The following COL24A1 variants were observed in gnomAD, a reference collection of about 807,000 sequenced individuals.
The protein encoded by COL24A1 is collagen alpha-1(XXIV) chain.
Under a neutral mutation model 253.9 loss-of-function variants are expected in COL24A1, and 224 were observed. The ratio of observed to expected loss-of-function variants is 0.88; its 90% confidence interval spans 0.79 to 0.99. The LOEUF is 0.99. COL24A1 is among the 50% of genes least tolerant of loss of function. The probability of loss-of-function intolerance (pLI) is 0.00; values close to 1 mark genes in which losing one functional copy is unlikely to be tolerated. For missense variants in COL24A1, 2,131 were observed against 2,068.5 expected (o/e 1.03, Z -0.59); for synonymous variants, 685 against 673.7 (o/e 1.02, Z -0.26).
chr1:85,849,473 CT>C, intron 37 of COL24A1, 67 bp from the exon 38 acceptor site: 6 of 1,149,320 alleles, frequency 5.2e-6, no homozygotes, highest in African/African-American at 1.5e-5. Context: ...TATTTGAATA[CT>C]TCTATCAGAT....
intron 3 of COL24A1, 59 bp from the exon 4 acceptor site, chr1:86,115,437 A>T (rs187767500): frequency 1.3e-6 from 2 of 1,497,174 alleles, no homozygotes; most frequent in African/African-American, 2.8e-5. Context: ...TTTTCTTACG[A>T]GTCTGAATAA....
chr1:85,926,844 A>C (rs559567665), intron 24 of COL24A1, among the ~76,000 whole-genome samples: 2 of 152,046 alleles, frequency 1.3e-5, no homozygotes, highest in Admixed American at 6.5e-5. Flanking sequence ...TAATAAAAAG[A>C]GTCAAAAAGG....
intron 7 of COL24A1, among the ~76,000 whole-genome samples, chr1:86,078,975 C>G (rs567469418): frequency 1.6e-4 from 25 of 152,058 alleles, no homozygotes; most frequent in African/African-American, 5.5e-4. Context: ...TATGTGGAAC[C>G]ACAAAAACCC....
At chr1:85,783,265 C>CTTT (rs11369327) in intron 51 of COL24A1, among the ~76,000 whole-genome samples, 3 of 135,176 alleles carry the variant, frequency 2.2e-5, no homozygotes, top group African/African-American at 8.1e-5. Context: ...TCTGATGATT[C>CTTT]TTTTTTTTTT....
chr1:85,830,353 G>T (rs1675050049), intron 43 of COL24A1, among the ~76,000 whole-genome samples: 1 of 152,146 alleles, frequency 6.6e-6, no homozygotes, highest in African/African-American at 2.4e-5. Context: ...ATTTAAGTCT[G>T]CAGGGTTACT....
chr1:85,979,697 C>G (rs1011575404), intron 20 of COL24A1, among the ~76,000 whole-genome samples: 10 of 81,846 alleles, frequency 1.2e-4, no homozygotes, highest in African/African-American at 5.8e-4. Flanking sequence ...CATTTAAAAA[C>G]TGCCAAAAAA....
At chr1:85,905,899 A>T (rs1488079102) in intron 28 of COL24A1, among the ~76,000 whole-genome samples, 2 of 152,068 alleles carry the variant, frequency 1.3e-5, no homozygotes, top group Non-Finnish European at 2.9e-5. Context: ...CATCTGTCAC[A>T]AATTGGTTGA....
chr1:85,964,744 T>C (rs1173820164), intron 23 of COL24A1, among the ~76,000 whole-genome samples: 1 of 152,128 alleles, frequency 6.6e-6, no homozygotes, highest in Non-Finnish European at 1.5e-5. Flanking sequence ...CTTGTAAGCA[T>C]GTATAATGCA....
rs1648184700 is a variant in COL24A1 at position 86,125,825 on chromosome 1, T to C, written c.511A>G (p.Arg171Gly). Reference protein sequence around the residue: ...EQWHSFAITIRNQSVSMFVEC... With the variant: ...EQWHSFAITIGNQSVSMFVEC... ...ACAAACATTGAGACACTTTGGTTTC[T>C]AATAGTAATGGCAAATGAGTGCCAT... The change falls in exon 3 of 60, where the codon AGA becomes GGA. Residue 171 changes from arginine (R) to glycine (G), a missense_variant. Physicochemically the swap from Arg to Gly is moderately radical, Grantham distance 125 (BLOSUM62 -2). Transcript: ENST00000370571. The C allele has an allele frequency of 1.2e-6, 2 of 1,613,258 alleles. No individual in the cohort carries two copies. Among genetic ancestry groups the C allele is most frequent in the East Asian group, 2.2e-5 (1 of 44,848 alleles).
At chr1:86,069,048 G>A (rs925646962) in intron 7 of COL24A1, among the ~76,000 whole-genome samples, 11 of 152,258 alleles carry the variant, frequency 7.2e-5, no homozygotes, top group African/African-American at 2.4e-4. Context: ...CATTCCAGCT[G>A]TGGTGGTCAC....
intron 7 of COL24A1, among the ~76,000 whole-genome samples, chr1:86,085,229 T>C (rs1702977279): frequency 6.6e-6 from 1 of 152,194 alleles, no homozygotes; most frequent in Admixed American, 6.5e-5. Flanking sequence ...TTTGGTTGTT[T>C]ATTCCTGTCC....
chr1:85,835,131 A>T (rs1675851525), intron 43 of COL24A1, among the ~76,000 whole-genome samples: 1 of 151,938 alleles, frequency 6.6e-6, no homozygotes, highest in African/African-American at 2.4e-5. Context: ...ATATATATAT[A>T]TATTTTTTAG....
Position 85,955,223 on chromosome 1 carries a change from C to T in COL24A1, c.2562+6026G>A, listed in dbSNP as rs74942985. Among the ~76,000 whole-genome samples the T allele has an allele frequency of 5.8e-3, 877 of 152,312 alleles. 7 individuals are homozygous for T. The highest frequency in any genetic ancestry group is 0.02 in the African/African-American group (837 of 41,564). On this transcript the variant is annotated intron_variant, in intron 24 of 59. Coordinates refer to ENST00000370571, the MANE Select transcript of COL24A1 (RefSeq NM_152890.7). ...GGTGTAGTTGGGAGAAAAGTCCAGC[C>T]ACTGGGTGGCCTGACTCCAGGGGAA... is the stretch of plus-strand genomic sequence containing the variant.
intron 12 of COL24A1, among the ~76,000 whole-genome samples, chr1:86,035,366 A>G (rs549829033): frequency 1.3e-5 from 2 of 152,308 alleles, no homozygotes; most frequent in South Asian, 4.1e-4. Context: ...TAATGGAAAA[A>G]GTAGAGGAAA....
In COL24A1 at chr1:86,028,031, T is replaced by C. The variant is rs147138488; in HGVS notation, c.2049+3847A>G. ...TGATTTTGGATTTTCATGGAGCCTG[T>C]AGCCCCTTTGTTTTGGCCAATATCT... On this transcript the variant is annotated intron_variant, in intron 14 of 59. Coordinates refer to ENST00000370571, the MANE Select transcript of COL24A1 (RefSeq NM_152890.7). Among the ~76,000 whole-genome samples, 5 of 152,316 alleles carry C rather than the reference T, an allele frequency of 3.3e-5. No individual in the cohort carries two copies. In the East Asian group the frequency reaches 7.7e-4, roughly 24 times the overall value.
intron 53 of COL24A1, among the ~76,000 whole-genome samples, chr1:85,773,214 G>A (rs902112454): frequency 2.0e-5 from 3 of 152,144 alleles, no homozygotes; most frequent in Non-Finnish European, 4.4e-5. Flanking sequence ...CCTCCGTTCT[G>A]TTCCATTGGT....
chr1:85,860,729 A>C (rs943067269), intron 37 of COL24A1, among the ~76,000 whole-genome samples: 1 of 152,226 alleles, frequency 6.6e-6, no homozygotes, highest in Non-Finnish European at 1.5e-5. Context: ...CGACAGAGCA[A>C]GACTCTGTCT....
At chr1:86,013,691 C>T (rs1696745543) in intron 19 of COL24A1, among the ~76,000 whole-genome samples, 1 of 152,178 alleles carries the variant, frequency 6.6e-6, no homozygotes, top group Middle Eastern at 3.4e-3. Context: ...CAAAAATTAG[C>T]CAGGTGTGGT....
intron 47 of COL24A1, among the ~76,000 whole-genome samples, chr1:85,806,716 T>C (rs552286251): frequency 2.6e-5 from 4 of 152,366 alleles, no homozygotes; most frequent in Non-Finnish European, 5.9e-5. Context: ...ACTGCTGATA[T>C]TGACTCATGC....
Sources: allele counts gnomAD v4.1 joint callset (sites outside exome capture counted in the v4.1 genomes callset), GRCh38; gene constraint gnomAD v4.1.1; transcripts MANE v1.5; gene names NCBI Gene and HGNC (gene_info 2026-07-23, HGNC 2026-07-21).